The following ANTXR1 variants were observed in gnomAD, a reference collection of about 807,000 sequenced individuals.
ANTXR1 encodes the protein ANTXR cell adhesion molecule 1.
ANTXR1 carries 19 observed loss-of-function variants against 78.1 expected under a neutral mutation model. The observed-to-expected ratio is 0.24, with a 90% CI of 0.17 to 0.36. The LOEUF is 0.36. ANTXR1 is among the 10% of genes least tolerant of loss of function. The probability of loss-of-function intolerance (pLI) is 1.00; values close to 1 mark genes in which losing one functional copy is unlikely to be tolerated. For missense variants in ANTXR1, 518 were observed against 718.6 expected (o/e 0.72, Z 3.19); for synonymous variants, 273 against 260.5 (o/e 1.05, Z -0.46).
At chr2:69,142,209 G>C (rs1287348707) in intron 12 of ANTXR1, among the ~76,000 whole-genome samples, 2 of 152,156 alleles carry the variant, frequency 1.3e-5, no homozygotes, top group Non-Finnish European at 2.9e-5. Context: ...CCATGGAGGG[G>C]AATTGAGCAG....
chr2:69,017,519 G>A (rs1252797599), intron 1 of ANTXR1, among the ~76,000 whole-genome samples: 2 of 152,122 alleles, frequency 1.3e-5, no homozygotes, highest in Non-Finnish European at 2.9e-5. Context: ...CTCTGGCCTG[G>A]AGGGAACCCA....
chr2:69,143,220 T>A (rs1014737056), intron 12 of ANTXR1, among the ~76,000 whole-genome samples: 2 of 151,970 alleles, frequency 1.3e-5, no homozygotes, highest in Non-Finnish European at 2.9e-5. Context: ...AAAGAAAGAA[T>A]GAGATCCTAA....
Position 69,178,838 on chromosome 2 carries a change from C to A in ANTXR1, c.1090-2948C>A, listed in dbSNP as rs915552022. Reference sequence around the variant, plus strand: ...CATTTCTCTAGATCTGACTCCTCTTCTGTGCAGTGAAAAGACTTAATTAGA... The same window carrying A: ...CATTTCTCTAGATCTGACTCCTCTTATGTGCAGTGAAAAGACTTAATTAGA... On this transcript the variant is annotated intron_variant, in intron 14 of 17. Coordinates refer to ENST00000303714, the MANE Select transcript of ANTXR1 (RefSeq NM_032208.3). Among the ~76,000 whole-genome samples, 6 of 152,214 alleles carry A rather than the reference C, an allele frequency of 3.9e-5. No homozygotes were observed. In the East Asian group the frequency reaches 1.2e-3, roughly 29 times the overall value.
chr2:69,145,746 T>C (rs1348151800), intron 12 of ANTXR1: 4 of 1,031,330 alleles, frequency 3.9e-6, no homozygotes, highest in Admixed American at 1.0e-4. Flanking sequence ...CCTCCTCCCT[T>C]TCCCACAAAA....
chr2:69,149,434 C>T (rs566372648), intron 12 of ANTXR1, among the ~76,000 whole-genome samples: 1 of 152,336 alleles, frequency 6.6e-6, no homozygotes, highest in East Asian at 1.9e-4. Context: ...CACGGAAAAC[C>T]TTCCTCTAGA....
At chr2:69,138,564 C>T (rs1368204489) in intron 12 of ANTXR1, among the ~76,000 whole-genome samples, 1 of 152,168 alleles carries the variant, frequency 6.6e-6, no homozygotes, top group Non-Finnish European at 1.5e-5. Context: ...GCAAAGCAGC[C>T]ATCTTCTCAC....
At chr2:69,165,643 C>T (rs1673806297) in intron 13 of ANTXR1, among the ~76,000 whole-genome samples, 1 of 152,258 alleles carries the variant, frequency 6.6e-6, no homozygotes, top group African/African-American at 2.4e-5. Flanking sequence ...GCTAAAGCAG[C>T]ATGTGGGCCT....
intron 10 of ANTXR1, among the ~76,000 whole-genome samples, chr2:69,116,559 G>A (rs1039367023): frequency 5.9e-5 from 9 of 152,116 alleles, no homozygotes; most frequent in African/African-American, 1.9e-4. Context: ...TTTGGCTCTG[G>A]AATGCCCTGA....
At chr2:69,087,627 A>T (rs545159075) in intron 8 of ANTXR1, among the ~76,000 whole-genome samples, 1 of 152,258 alleles carries the variant, frequency 6.6e-6, no homozygotes, top group Non-Finnish European at 1.5e-5. Context: ...TCCTCTGCAG[A>T]TCAATCATAC....
intron 17 of ANTXR1, among the ~76,000 whole-genome samples, chr2:69,217,389 C>T (rs4484064): frequency 0.052 from 7,982 of 152,248 alleles, 552 homozygotes; most frequent in African/African-American, 0.15. Context: ...AGTTCAGTTT[C>T]GTGTAATTAT....
At chr2:69,225,349 A>T (rs4854475) in intron 17 of ANTXR1, among the ~76,000 whole-genome samples, 56,351 of 152,020 alleles carry the variant, frequency 0.37, 12,146 homozygotes, top group East Asian at 0.68. Flanking sequence ...GGACAGTGGC[A>T]TATGCCTGTA....
intron 13 of ANTXR1, among the ~76,000 whole-genome samples, chr2:69,155,011 G>A (rs1673486961): frequency 6.6e-6 from 1 of 152,182 alleles, no homozygotes; most frequent in Admixed American, 6.5e-5. Flanking sequence ...GCCTGCCTCT[G>A]CTCAGCATCC....
At chr2:69,223,296 A>G (rs1175613774) in intron 17 of ANTXR1, among the ~76,000 whole-genome samples, 1 of 152,236 alleles carries the variant, frequency 6.6e-6, no homozygotes, top group African/African-American at 2.4e-5. Context: ...ATTTCTCTTT[A>G]GAAGAGAATT....
At chr2:69,097,096 A>G (rs1216230109) in intron 9 of ANTXR1, among the ~76,000 whole-genome samples, 4 of 152,260 alleles carry the variant, frequency 2.6e-5, no homozygotes, top group Non-Finnish European at 4.4e-5. Context: ...AATTAAGAAT[A>G]TGGACCCATT....
At chr2:69,224,650 C>G (rs1675398369) in intron 17 of ANTXR1, among the ~76,000 whole-genome samples, 1 of 152,096 alleles carries the variant, frequency 6.6e-6, no homozygotes, top group Non-Finnish European at 1.5e-5. Context: ...GGCAGACACT[C>G]TGGCAGGATC....
intron 17 of ANTXR1, among the ~76,000 whole-genome samples, chr2:69,232,630 C>T (rs756845062): frequency 6.6e-6 from 1 of 151,922 alleles, no homozygotes; most frequent in African/African-American, 2.4e-5. Context: ...TCAATAAAAA[C>T]TTGTGGGATT....
intron 3 of ANTXR1, among the ~76,000 whole-genome samples, chr2:69,058,343 A>G (rs1670128966): frequency 6.6e-6 from 1 of 152,200 alleles, no homozygotes. Flanking sequence ...TAAGGAGTGA[A>G]GGTAGCTGGT....
At chr2:69,017,195 G>A (rs1259718336) in intron 1 of ANTXR1, among the ~76,000 whole-genome samples, 2 of 152,228 alleles carry the variant, frequency 1.3e-5, no homozygotes, top group Admixed American at 1.3e-4. Flanking sequence ...CCAAAACGCA[G>A]TGGTGGCAAA....
intron 17 of ANTXR1, among the ~76,000 whole-genome samples, chr2:69,220,348 G>A (rs1028132970): frequency 5.3e-5 from 8 of 152,106 alleles, no homozygotes; most frequent in African/African-American, 1.2e-4. Context: ...AAATTAAACC[G>A]TTGCAGTTGT....
Sources: gnomAD v4.1 joint callset for allele counts (sites outside exome capture counted in the v4.1 genomes callset) on GRCh38, gnomAD v4.1.1 for gene constraint, MANE v1.5 for transcripts, NCBI Gene and HGNC (gene_info 2026-07-23, HGNC 2026-07-21) for gene names.